Variants in TFAP2D observed in about 807,000 individuals in gnomAD.
TFAP2D encodes the protein transcription factor AP-2 delta, also known as transcription factor AP-2-delta.
A neutral mutation model predicts 43.6 loss-of-function variants in TFAP2D; 9 were observed. The observed-to-expected ratio is 0.21, with a 90% confidence interval of 0.12 to 0.36. The LOEUF is 0.36. Among genes scored for constraint, TFAP2D ranks in the 10% least tolerant of loss-of-function variants. The probability of loss-of-function intolerance (pLI) is 1.00; values close to 1 mark genes in which losing one functional copy is unlikely to be tolerated. For missense variants in TFAP2D, 513 were observed against 561.4 expected (o/e 0.91, Z 0.87); for synonymous variants, 256 against 224.9 (o/e 1.14, Z -1.24).
intron 7 of TFAP2D, among the ~76,000 whole-genome samples, chr6:50,756,356 T>A (rs909398775): frequency 2.0e-5 from 3 of 151,914 alleles, no homozygotes; most frequent in African/African-American, 7.2e-5. Context: ...GGAGTGTAAT[T>A]AGATAGGCAT....
rs60581451 is a variant in TFAP2D at position 50,733,486 on chromosome 6, T to C, written c.883+4174T>C. 2.6e-3 allele frequency among the ~76,000 whole-genome samples: 394 copies of C among 152,270 alleles called. 1 individual carries two copies. Among genetic ancestry groups the C allele is most frequent in the African/African-American group, 9.0e-3 (374 of 41,582 alleles). On this transcript the variant is annotated intron_variant, in intron 5 of 7. Transcript: ENST00000008391. ...TGATCTTCTTGAAGAGATGTTGGAA[T>C]AATTTTATACTCTTCTAGAGTGGAA...
intron 3 of TFAP2D, 126 bp from the exon 4 acceptor site, chr6:50,728,730 G>T: frequency 1.2e-6 from 1 of 849,674 alleles, no homozygotes; most frequent in Non-Finnish European, 1.8e-6. Context: ...ATGATCTGGG[G>T]GATATATAAG....
intron 5 of TFAP2D, among the ~76,000 whole-genome samples, chr6:50,741,699 TA>T (rs140519366): frequency 0.064 from 9,008 of 139,850 alleles, 347 homozygotes; most frequent in Middle Eastern, 0.14. Context: ...TGTATTAAAT[TA>T]AAAAAAAAAG....
chr6:50,723,459 T>C (rs1288584134), intron 3 of TFAP2D, among the ~76,000 whole-genome samples: 1 of 152,170 alleles, frequency 6.6e-6, no homozygotes, highest in East Asian at 1.9e-4. Flanking sequence ...CCTTTGTCAG[T>C]ACTCTTCGGA....
intron 5 of TFAP2D, among the ~76,000 whole-genome samples, chr6:50,735,410 C>T (rs899532420): frequency 1.3e-5 from 2 of 152,156 alleles, no homozygotes; most frequent in African/African-American, 4.8e-5. Flanking sequence ...GTCCTCCCCT[C>T]CTGCTAGGAA....
chr6:50,732,416 C>T (rs574956453), intron 5 of TFAP2D, among the ~76,000 whole-genome samples: 2 of 152,138 alleles, frequency 1.3e-5, no homozygotes, highest in South Asian at 2.1e-4. Context: ...CTCAAACATC[C>T]TAATGGCCCA....
In TFAP2D at chr6:50,713,897, C is replaced by A; in HGVS notation, c.-159C>A. On this transcript the variant is annotated 5_prime_UTR_variant, in exon 1 of 8. Transcript: ENST00000008391. ...TTTTAAGTGGGTACGAGGCAAGGAGCTATCTGATCCGGGCAAAACCATTAC... is the reference window on the plus strand; with the variant it reads ...TTTTAAGTGGGTACGAGGCAAGGAGATATCTGATCCGGGCAAAACCATTAC... The A allele has an allele frequency of 1.8e-6, 2 of 1,101,328 alleles. No homozygotes were observed. The highest frequency in any genetic ancestry group is 1.3e-6 in the Non-Finnish European group (1 of 755,130). The allele number at this position is 1,101,328 out of a possible 1,614,324, so 68.2% of individuals were successfully genotyped here.
At chr6:50,766,945 G>C (rs1462661492) in intron 7 of TFAP2D, among the ~76,000 whole-genome samples, 2 of 152,088 alleles carry the variant, frequency 1.3e-5, no homozygotes, top group African/African-American at 4.8e-5. Flanking sequence ...TGGGATTACA[G>C]GCGTGAGCCA....
intron 3 of TFAP2D, among the ~76,000 whole-genome samples, chr6:50,722,374 T>C (rs1263860951): frequency 6.6e-6 from 1 of 152,228 alleles, no homozygotes; most frequent in East Asian, 1.9e-4. Flanking sequence ...ATTAATGTTG[T>C]ACGTACAGAG....
At position 50,713,846 on chromosome 6, in the gene TFAP2D, A is replaced by G; in HGVS notation, c.-210A>G. 4 of 656,824 alleles carry G rather than the reference A, an allele frequency of 6.1e-6. No homozygotes were observed. Among genetic ancestry groups the G allele is most frequent in the Non-Finnish European group, 5.1e-6 (2 of 389,848 alleles). 40.7% of individuals were successfully genotyped at this position (656,824 alleles called of 1,614,324 possible). ...CTGTTCCAGGGAGCTGCTTTTGTGCAGAGGGAAAATTTTGTTCCTACAGGT... is the reference window on the plus strand; with the variant it reads ...CTGTTCCAGGGAGCTGCTTTTGTGCGGAGGGAAAATTTTGTTCCTACAGGT... On this transcript the variant is annotated 5_prime_UTR_variant, in exon 1 of 8. Transcript: ENST00000008391.
At chr6:50,753,858 T>C (rs1419655618) in intron 7 of TFAP2D, among the ~76,000 whole-genome samples, 1 of 151,928 alleles carries the variant, frequency 6.6e-6, no homozygotes, top group African/African-American at 2.4e-5. Context: ...TTAATTGTAG[T>C]CAAAATTATT....
At chr6:50,755,928 T>C (rs2294468) in intron 7 of TFAP2D, among the ~76,000 whole-genome samples, 46,029 of 151,714 alleles carry the variant, frequency 0.3, 7,118 homozygotes, top group East Asian at 0.43. Context: ...ATCTGTTACC[T>C]AGGTTGGAGT....
At chr6:50,734,308 C>T (rs1561934751) in intron 5 of TFAP2D, among the ~76,000 whole-genome samples, 1 of 152,000 alleles carries the variant, frequency 6.6e-6, no homozygotes, top group African/African-American at 2.4e-5. Context: ...TAGGGCCTGA[C>T]TTTGGACTGG....
chr6:50,745,068 G>T, intron 5 of TFAP2D, 39 bp from the exon 6 acceptor site: 1 of 1,610,152 alleles, frequency 6.2e-7, no homozygotes, highest in South Asian at 1.1e-5. Context: ...ATTAAGGTTG[G>T]ATACTGGTGA....
intron 6 of TFAP2D, among the ~76,000 whole-genome samples, chr6:50,746,091 T>C (rs919930016): frequency 6.6e-6 from 1 of 152,198 alleles, no homozygotes; most frequent in Non-Finnish European, 1.5e-5. Flanking sequence ...CCTCTCATTA[T>C]TGAAATAAGT....
intron 7 of TFAP2D, among the ~76,000 whole-genome samples, chr6:50,755,116 T>C (rs1203905371): frequency 6.6e-6 from 1 of 152,030 alleles, no homozygotes; most frequent in Non-Finnish European, 1.5e-5. Context: ...TTGATTCATT[T>C]TGAGTTAATT....
chr6:50,714,866 TA>T (rs1768589300), intron 1 of TFAP2D, among the ~76,000 whole-genome samples: 1 of 152,024 alleles, frequency 6.6e-6, no homozygotes, highest in Non-Finnish European at 1.5e-5. Context: ...CACCCGCACC[TA>T]TATAGGGTGG....
Position 50,729,285 on chromosome 6 carries a change from G to A in TFAP2D, c.856G>A (p.Val286Ile), listed in dbSNP as rs1335093216. 1 of 1,613,796 alleles carries A rather than the reference G, an allele frequency of 6.2e-7. No homozygotes were observed. The highest frequency in any genetic ancestry group is 1.3e-5 in the African/African-American group (1 of 74,912). The change falls in exon 5 of 8, where the codon GTC (valine) becomes ATC (isoleucine). Residue 286 changes from valine (V) to isoleucine (I), a missense_variant. Around this residue, in one of 3 missense-constraint regions of TFAP2D, gnomAD observed 199 missense variants for 227.9 expected, o/e 0.87. Coordinates refer to ENST00000008391, the MANE Select transcript of TFAP2D (RefSeq NM_172238.4). Reference protein sequence around the residue: ...LPAGRRKAANVTLLTSLVEGE... With the variant: ...LPAGRRKAANITLLTSLVEGE... ...AGCAGGAAGACGGAAAGCAGCTAATGTCACCCTCCTTACTTCCTTGGTTGA... is the reference window on the plus strand; with the variant it reads ...AGCAGGAAGACGGAAAGCAGCTAATATCACCCTCCTTACTTCCTTGGTTGA...
rs768223298 is a variant in TFAP2D, at chr6:50,745,292, T to A, written c.1025+44T>A. 3.2e-6 allele frequency: 5 copies of A among 1,569,294 alleles called. No individual in the cohort carries two copies. In the African/African-American group the frequency reaches 4.2e-5, roughly 13 times the overall value. On this transcript the variant is annotated intron_variant, in intron 6 of 7. Coordinates refer to ENST00000008391, the MANE Select transcript of TFAP2D (RefSeq NM_172238.4). ...CCTCTGTGTGCTTTCATCTTCAGTA[T>A]TTTTTTTTCATTTTCTTTGAAATGA...
Sources: allele counts gnomAD v4.1 joint callset (sites outside exome capture counted in the v4.1 genomes callset), GRCh38; gene constraint gnomAD v4.1.1; regional missense constraint gnomAD v4.1.1; transcripts MANE v1.5; gene names NCBI Gene and HGNC (gene_info 2026-07-23, HGNC 2026-07-21).